The following TTN variants were observed in gnomAD, a reference collection of about 807,000 sequenced individuals.
The protein encoded by TTN is titin, also known as connectin.
Under a neutral mutation model 3,223.0 loss-of-function variants are expected in TTN, and 1,525 were observed. The ratio of observed to expected loss-of-function variants is 0.47; its 90% CI spans 0.45 to 0.49. TTN has a LOEUF of 0.49. Ranked by LOEUF, TTN falls within the 20% of genes least tolerant of loss-of-function variation. TTN has a pLI of 0.00. For synonymous variants in TTN, 14,094 were observed against 15,161.0 expected (o/e 0.93, Z 5.17); for missense variants, 40,786 against 43,424.0 (o/e 0.94, Z 5.40).
At position 178,545,390 on chromosome 2, in the gene TTN, G is replaced by A. The variant is rs1382507862; in HGVS notation, c.95720C>T (p.Ser31907Leu). 1 of 1,560,716 alleles carries A rather than the reference G, an allele frequency of 6.4e-7. No individual in the cohort carries two copies. Among genetic ancestry groups the A allele is most frequent in the East Asian group, 2.3e-5 (1 of 44,142 alleles). The change falls in exon 344 of 363, where the codon TCA (serine) becomes TTA (leucine). Residue 31907 changes from serine (S) to leucine (L), a missense_variant and splice_region_variant. Coordinates refer to ENST00000589042, the MANE Select transcript of TTN (RefSeq NM_001267550.2). ...ASNFISCREP[S>L]YTPGPPSAPR... ...TATGTATGATTCTTGGAGCTCACAT[G>A]ATGGTTCTCTGCATGAGATGAAGTT...
intron 215 of TTN, 95 bp from the exon 216 acceptor site, chr2:178,646,654 C>A: frequency 4.4e-6 from 3 of 688,628 alleles, no homozygotes; most frequent in Non-Finnish European, 4.9e-6. Context: ...ATTACAGTCA[C>A]AAAATAAAAA....
At chr2:178,558,997 A>G (rs1702570270) in intron 326 of TTN, 1 of 312,498 alleles carries the variant, frequency 3.2e-6, no homozygotes, top group South Asian at 4.7e-5. Context: ...TATGTCATAC[A>G]CACATACTAT....
rs374981132 is a variant in TTN, at chr2:178,706,691, T to C, written c.29183A>G (p.Asn9728Ser). 2.0e-5 allele frequency: 33 copies of C among 1,613,344 alleles called. No homozygotes were observed. Among genetic ancestry groups the C allele is most frequent in the Non-Finnish European group, 2.5e-5 (30 of 1,179,490 alleles). Residue 9728 changes from asparagine (N) to serine (S), a missense_variant, in exon 102 of 363, where the codon AAT becomes AGT. By Grantham distance (46) the Asn-to-Ser change is conservative. Transcript: ENST00000589042. Reference sequence around the variant, plus strand: ...CCACTTCCCTTTTGTCCATTTAACATTTGGGATTGGGTCACCTCCAACTTT... The same window carrying C: ...CCACTTCCCTTTTGTCCATTTAACACTTGGGATTGGGTCACCTCCAACTTT... ...IAKVGGDPIP[N>S]VKWTKGKWRQ...
rs1577187868 is a variant in TTN, at chr2:178,669,641, T to C, written c.35421A>G (p.Glu11807=). 1 of 1,612,484 alleles carries C rather than the reference T, an allele frequency of 6.2e-7. No homozygotes were observed. The highest frequency in any genetic ancestry group is 1.1e-5 in the South Asian group (1 of 91,060). The change falls in exon 158 of 363, where the codon GAA becomes GAG. Residue 11807 remains glutamate, a synonymous_variant. Coordinates refer to ENST00000589042, the MANE Select transcript of TTN (RefSeq NM_001267550.2). ...PEVPKKIVPE[E]KVREAVLKKP... ...TTTTCAGAACAGCTTCACGAACTTT[T>C]TCTTCTGGGACAATTTTCTTGGGTA...
intron 231 of TTN, 44 bp from the exon 232 acceptor site, chr2:178,633,720 A>G (rs767736572): frequency 1.2e-6 from 2 of 1,605,440 alleles, no homozygotes; most frequent in African/African-American, 2.7e-5. Flanking sequence ...TGTGAAAATT[A>G]AAGTTTATTA....
At chr2:178,644,369 A>T (rs1471412984) in intron 218 of TTN, 179 bp downstream of exon 218, 1 of 491,194 alleles carries the variant, frequency 2.0e-6, no homozygotes, top group Non-Finnish European at 3.5e-6. Flanking sequence ...AATGGATGGG[A>T]GACAAAGGAA....
intron 297 of TTN, 47 bp from the exon 298 acceptor site, chr2:178,593,914 C>G: frequency 6.2e-7 from 1 of 1,607,336 alleles, no homozygotes; most frequent in East Asian, 2.2e-5. Flanking sequence ...GCCATTTCTG[C>G]TTTTGAAAGA....
chr2:178,770,717 A>G, intron 34 of TTN, 42 bp from the exon 35 acceptor site: 3 of 1,597,954 alleles, frequency 1.9e-6, no homozygotes, highest in Non-Finnish European at 2.6e-6. Context: ...TATAGATGAC[A>G]TCATCAAGGA....
chr2:178,611,433 AT>A lies in TTN; in HGVS notation c.50795del (p.Asn16932MetfsTer41). On this transcript the variant is annotated frameshift_variant, in exon 269 of 363. Transcript: ENST00000589042. LOFTEE classifies it high-confidence loss of function. The part of the protein sequence containing the change: ...KEYVLRVRAV[N>X]AIGVSEPSEI... ...CAGATGGCTCGCTGACACCAATAGC[AT>A]TGACTGCTCTCACTCTCAGGACATA... 1 of 1,612,902 alleles carries A rather than the reference AT, an allele frequency of 6.2e-7. No homozygotes were observed. Among genetic ancestry groups the A allele is most frequent in the Non-Finnish European group, 8.5e-7 (1 of 1,179,300 alleles).
In TTN at chr2:178,649,729, C is replaced by T. The variant is rs558612549; in HGVS notation, c.39895+88G>A. 5 of 1,551,340 alleles carry T rather than the reference C, an allele frequency of 3.2e-6. No homozygotes were observed. In the African/African-American group the frequency reaches 6.8e-5, roughly 21 times the overall value. ...ACTGTAACATATAGGTAAGAGTTAA[C>T]AAACATATAATACAACACAACACAC... is the stretch of plus-strand genomic sequence containing the variant. On this transcript the variant is annotated intron_variant, in intron 211 of 362. Transcript: ENST00000589042.
chr2:178,725,896 A>G lies in TTN; in HGVS notation c.20426T>C (p.Ile6809Thr), dbSNP rs879197315. ...ACTTGTGTGGAAGTTTTTGGATGCA[A>G]TCTTGTATTTCTTGCTGCTTCTGAG... ...RQLRSSKKYK[I>T]ASKNFHTSIH... Residue 6809 changes from isoleucine (I) to threonine (T), a missense_variant, in exon 70 of 363, where the codon ATT becomes ACT. Coordinates refer to ENST00000589042, the MANE Select transcript of TTN (RefSeq NM_001267550.2). 10 of 1,612,918 alleles carry G rather than the reference A, an allele frequency of 6.2e-6. No homozygotes were observed. In the African/African-American group the frequency reaches 9.4e-5, roughly 15 times the overall value.
In TTN at chr2:178,704,427, C is replaced by T. The variant is rs181332195; in HGVS notation, c.29963-20G>A. 36 of 1,607,714 alleles carry T rather than the reference C, an allele frequency of 2.2e-5. 1 individual carries two copies. The African/African-American group carries it at 2.8e-4, about 13-fold the overall frequency. On this transcript the variant is annotated intron_variant, in intron 105 of 362. Coordinates refer to ENST00000589042, the MANE Select transcript of TTN (RefSeq NM_001267550.2). The stretch of plus-strand genomic sequence containing the variant: ...CAGGCTCTGTTCATGTGATACAACA[C>T]GCATTTTGTTCAATATCACACGCAG...
chr2:178,729,968 G>C (rs779010632), intron 62 of TTN, 23 bp from the exon 63 acceptor site: 1 of 1,603,814 alleles, frequency 6.2e-7, no homozygotes, highest in African/African-American at 1.3e-5. Flanking sequence ...AAAGAATTGT[G>C]ATGTTGAATA....
intron 241 of TTN, 37 bp downstream of exon 241, chr2:178,625,236 G>A: frequency 6.3e-7 from 1 of 1,598,142 alleles, no homozygotes; most frequent in South Asian, 1.1e-5. Flanking sequence ...ATGAGCCTCT[G>A]CCTTATACAT....
rs1559535271 is a variant in TTN at position 178,585,237 on chromosome 2, C to T, written c.64507G>A (p.Gly21503Arg). The change falls in exon 309 of 363, where the codon GGA becomes AGA. Residue 21503 changes from glycine (G) to arginine (R), a missense_variant. Gly to Arg is a moderately radical substitution (Grantham distance 125). Transcript: ENST00000589042. ...CTGGATGTGACAACTTCATCTTCTC[C>T]TTTTTTCCATTTACAGGTGGGATGA... Reference protein sequence around the residue: ...KPHPTCKWKKGEDEVVTSSHL... With the variant: ...KPHPTCKWKKREDEVVTSSHL... 6.2e-7 allele frequency: 1 copy of T among 1,613,302 alleles called. No individual in the cohort carries two copies. Among genetic ancestry groups the T allele is most frequent in the East Asian group, 2.2e-5 (1 of 44,820 alleles).
chr2:178,804,670 A>T lies in TTN; in HGVS notation c.-13-15T>A, dbSNP rs749336967. 6.2e-7 allele frequency: 1 copy of T among 1,611,604 alleles called. No individual in the cohort carries two copies. The stretch of plus-strand genomic sequence containing the variant: ...TTCTAGGCACTCTGAAAAAGAAGAG[A>T]AAATAAATTAGGGTGTCCCAGCTAA... On this transcript the variant is annotated splice_polypyrimidine_tract_variant and intron_variant, in intron 1 of 362. Coordinates refer to ENST00000589042, the MANE Select transcript of TTN (RefSeq NM_001267550.2).
chr2:178,769,028 G>A, intron 37 of TTN, 95 bp from the exon 38 acceptor site: 4 of 1,402,306 alleles, frequency 2.9e-6, no homozygotes, highest in Non-Finnish European at 3.0e-6. Context: ...AATGTTTTTA[G>A]TGCGTCTGTT....
In TTN at chr2:178,621,236, G is replaced by C. The variant is rs1469799928; in HGVS notation, c.45482C>G (p.Ser15161Cys). The C allele has an allele frequency of 1.2e-6, 2 of 1,612,254 alleles. No individual in the cohort carries two copies. Among genetic ancestry groups the C allele is most frequent in the Non-Finnish European group, 1.7e-6 (2 of 1,179,074 alleles). Reference sequence around the variant, plus strand: ...AGCAATAACGTCATATTTATCTCCAGATTCAAGTGTCTTATCATCCCTCTT... The same window carrying C: ...AGCAATAACGTCATATTTATCTCCACATTCAAGTGTCTTATCATCCCTCTT... ...QWKRDDKTLE[S>C]GDKYDVIADG... The change falls in exon 246 of 363, where the codon TCT becomes TGT. Residue 15161 changes from serine to cysteine, a missense_variant. Coordinates refer to ENST00000589042, the MANE Select transcript of TTN (RefSeq NM_001267550.2).
Position 178,770,512 on chromosome 2 carries a change from T to C in TTN, c.8280A>G (p.Thr2760=). The stretch of plus-strand genomic sequence containing the variant: ...AGTTTTTAATCCTCAGAGAGTAAAT[T>C]GTTCCTTTGACAGAGATAGCATACT... ...NEKYAISVKG[T]IYSLRIKNCA... is the part of the protein sequence containing the mutation. The change falls in exon 35 of 363, where the codon ACA becomes ACG. Residue 2760 remains threonine, a synonymous_variant. Coordinates refer to ENST00000589042, the MANE Select transcript of TTN (RefSeq NM_001267550.2). 1 of 1,614,142 alleles carries C rather than the reference T, an allele frequency of 6.2e-7. No individual in the cohort carries two copies.
Sources: gnomAD v4.1 joint callset for allele counts on GRCh38, gnomAD v4.1.1 for gene constraint, MANE v1.5 for transcripts, NCBI Gene and HGNC (gene_info 2026-07-23, HGNC 2026-07-21) for gene names.